Variants in LARGE1 observed in about 807,000 individuals in gnomAD.
LARGE1 encodes the protein xylosyl- and glucuronyltransferase LARGE1.
A neutral mutation model predicts 87.6 loss-of-function variants in LARGE1; 43 were observed. That is an observed-to-expected ratio of 0.49 (90% CI 0.38 to 0.63). The LOEUF is 0.63. Among genes scored for constraint, LARGE1 ranks in the 30% least tolerant of loss-of-function variants. The probability of loss-of-function intolerance (pLI) is 0.00; values close to 1 mark genes in which losing one functional copy is unlikely to be tolerated. For synonymous variants in LARGE1, 434 were observed against 394.6 expected (o/e 1.10, Z -1.18); for missense variants, 802 against 1,000.2 (o/e 0.80, Z 2.67).
At chr22:33,588,674 G>C (rs961732315) in intron 5 of LARGE1, among the ~76,000 whole-genome samples, 1 of 152,196 alleles carries the variant, frequency 6.6e-6, no homozygotes, top group Non-Finnish European at 1.5e-5. Flanking sequence ...TTGACCTTCT[G>C]CTTTCACTGC....
intron 2 of LARGE1, among the ~76,000 whole-genome samples, chr22:33,694,248 G>A (rs978042069): frequency 6.6e-6 from 1 of 152,218 alleles, no homozygotes; most frequent in African/African-American, 2.4e-5. Flanking sequence ...ATCTAGAGAG[G>A]CTGACACCAA....
intron 6 of LARGE1, among the ~76,000 whole-genome samples, chr22:33,528,079 C>T (rs1223023173): frequency 1.6e-5 from 2 of 128,904 alleles, no homozygotes; most frequent in East Asian, 4.4e-4. Context: ...GATCCTTGTA[C>T]AGAGTAGACA....
intron 11 of LARGE1, among the ~76,000 whole-genome samples, chr22:33,201,035 G>A (rs1475016133): frequency 6.6e-6 from 1 of 152,196 alleles, no homozygotes; most frequent in Non-Finnish European, 1.5e-5. Context: ...AGGGCCGGGT[G>A]CAGTGACTCA....
At chr22:33,289,731 T>G (rs1184975380) in intron 12 of LARGE1, among the ~76,000 whole-genome samples, 1 of 152,162 alleles carries the variant, frequency 6.6e-6, no homozygotes, top group Non-Finnish European at 1.5e-5. Flanking sequence ...ATTCAGGTGT[T>G]GCTCACAGAG....
intron 7 of LARGE1, among the ~76,000 whole-genome samples, chr22:33,385,552 A>G (rs2065295050): frequency 6.8e-6 from 1 of 146,198 alleles, no homozygotes; most frequent in South Asian, 2.4e-4. Flanking sequence ...AAAAAAAAAA[A>G]AAGCTAAAAC....
At chr22:33,234,533 C>CTTTG (rs1555884293) in intron 11 of LARGE1, among the ~76,000 whole-genome samples, 2 of 151,568 alleles carry the variant, frequency 1.3e-5, no homozygotes, top group African/African-American at 4.9e-5. Flanking sequence ...TTTTTTGTTT[C>CTTTG]TTTGTTTTGT....
chr22:33,619,531 G>C (rs1345937092), intron 4 of LARGE1, among the ~76,000 whole-genome samples: 1 of 149,676 alleles, frequency 6.7e-6, no homozygotes, highest in Non-Finnish European at 1.5e-5. Context: ...CTCCAGCCTG[G>C]GTGACAGAGT....
rs543953235 is a variant in LARGE1 at position 33,786,614 on chromosome 22, C to T, written c.-82-25056G>A. Reference sequence around the variant, plus strand: ...TTCTCCTCCCTTCAGAGCCTCCCCTCCTGAGGGGGTCCCCTGGCATTTCCC... The same window carrying T: ...TTCTCCTCCCTTCAGAGCCTCCCCTTCTGAGGGGGTCCCCTGGCATTTCCC... On this transcript the variant is annotated intron_variant, in intron 1 of 14. Transcript: ENST00000397394. 5.3e-5 allele frequency among the ~76,000 whole-genome samples: 8 copies of T among 152,340 alleles called. No homozygotes were observed. In the East Asian group the frequency reaches 1.4e-3, roughly 26 times the overall value.
chr22:33,112,305 C>T, the LARGE1 span, among the ~76,000 whole-genome samples: 2 of 152,218 alleles, frequency 1.3e-5, no homozygotes, highest in African/African-American at 4.8e-5. Flanking sequence ...ACTTAAGTTA[C>T]TTAACCTTCA....
At chr22:33,854,548 A>G (rs1446891184) in intron 1 of LARGE1, among the ~76,000 whole-genome samples, 1 of 152,242 alleles carries the variant, frequency 6.6e-6, no homozygotes, top group East Asian at 1.9e-4. Flanking sequence ...CCTTCATAGA[A>G]AAGAGAGCAC....
intron 1 of LARGE1, among the ~76,000 whole-genome samples, chr22:33,813,069 T>G (rs948186074): frequency 6.6e-6 from 1 of 152,046 alleles, no homozygotes; most frequent in Non-Finnish European, 1.5e-5. Context: ...GAAGTGCCAC[T>G]CTAGGCCGGG....
At chr22:33,626,106 G>A (rs2079912423) in intron 4 of LARGE1, 138 bp downstream of exon 4, 1 of 736,464 alleles carries the variant, frequency 1.4e-6, no homozygotes, top group Non-Finnish European at 2.4e-6. Context: ...TCTCCTCAGG[G>A]TTTCAGACAA....
chr22:33,309,816 G>T (rs1223868954), intron 11 of LARGE1, among the ~76,000 whole-genome samples: 1 of 152,086 alleles, frequency 6.6e-6, no homozygotes, highest in Non-Finnish European at 1.5e-5. Context: ...AGCACAGGAC[G>T]GTGAGGGGCA....
intron 7 of LARGE1, among the ~76,000 whole-genome samples, chr22:33,400,757 G>GTT (rs1001201413): frequency 4.2e-4 from 64 of 152,310 alleles, no homozygotes; most frequent in African/African-American, 1.5e-3. Flanking sequence ...GCACAACTGA[G>GTT]TATGCCTTCA....
the LARGE1 span, among the ~76,000 whole-genome samples, chr22:33,146,549 T>C: frequency 0.011 from 1,651 of 152,188 alleles, 30 homozygotes; most frequent in African/African-American, 0.038. Context: ...CGCTTTACTC[T>C]CTCCATTTCT....
At chr22:33,095,526 C>T in the LARGE1 span, among the ~76,000 whole-genome samples, 5,864 of 152,158 alleles carry the variant, frequency 0.039, 296 homozygotes, top group East Asian at 0.25. Context: ...TTACAGGTAG[C>T]GGGAGGGTTA....
intron 1 of LARGE1, among the ~76,000 whole-genome samples, chr22:33,850,145 A>G (rs910725062): frequency 1.1e-4 from 17 of 152,330 alleles, no homozygotes; most frequent in African/African-American, 4.1e-4. Flanking sequence ...TAAACCCATC[A>G]GGAGAAAAGT....
At chr22:33,095,371 T>C in the LARGE1 span, among the ~76,000 whole-genome samples, 3 of 152,208 alleles carry the variant, frequency 2.0e-5, no homozygotes, top group African/African-American at 7.2e-5. Context: ...TCTGTTGTCA[T>C]ATGGCTTTCT....
chr22:33,285,069 G>A (rs1278210027), intron 12 of LARGE1, among the ~76,000 whole-genome samples: 2 of 152,210 alleles, frequency 1.3e-5, no homozygotes, highest in African/African-American at 2.4e-5. Context: ...CCTGGCCGGG[G>A]CAGGCATGCT....
Sources: gnomAD v4.1 joint callset for allele counts (sites outside exome capture counted in the v4.1 genomes callset) on GRCh38, gnomAD v4.1.1 for gene constraint, MANE v1.5 for transcripts, NCBI Gene and HGNC (gene_info 2026-07-23, HGNC 2026-07-21) for gene names.